EPB41L3: variants seen among roughly 807,000 people sequenced by gnomAD.
EPB41L3 encodes band 4.1-like protein 3.
A neutral mutation model predicts 127.1 loss-of-function variants in EPB41L3; 57 were observed. The observed-to-expected ratio is 0.45, with a 90% CI of 0.36 to 0.56. The LOEUF (loss-of-function observed/expected upper bound fraction) is 0.56. EPB41L3 is among the 20% of genes least tolerant of loss of function. EPB41L3 has a pLI of 0.00. For synonymous variants in EPB41L3, 572 were observed against 549.5 expected (o/e 1.04, Z -0.57); for missense variants, 1,273 against 1,372.2 (o/e 0.93, Z 1.14).
intron 16 of EPB41L3, chr18:5,400,452 C>T (rs977877597): frequency 2.2e-6 from 1 of 452,522 alleles, no homozygotes; most frequent in East Asian, 7.0e-5. Context: ...ACAGATTGAT[C>T]TACATGTTGT....
At chr18:5,529,926 A>ATGTGTGTGTGTGTGTG (rs762060217) in intron 1 of EPB41L3, among the ~76,000 whole-genome samples, 17 of 91,506 alleles carry the variant, frequency 1.9e-4, no homozygotes, top group African/African-American at 6.4e-4. Flanking sequence ...ATCAACTCAT[A>ATGTGTGTGTGTGTGTG]TATGTGTGTG....
intron 1 of EPB41L3, among the ~76,000 whole-genome samples, chr18:5,622,438 C>T (rs2094873654): frequency 6.6e-6 from 1 of 152,206 alleles, no homozygotes; most frequent in Non-Finnish European, 1.5e-5. Flanking sequence ...CCAGCTAGTA[C>T]CTACTGGTAC....
chr18:5,494,348 G>A (rs970850645), intron 1 of EPB41L3, among the ~76,000 whole-genome samples: 8 of 152,208 alleles, frequency 5.3e-5, no homozygotes, highest in African/African-American at 1.7e-4. Context: ...ATCACCTCCT[G>A]AGTTGTGTTT....
chr18:5,472,220 C>T (rs528558633), intron 3 of EPB41L3, among the ~76,000 whole-genome samples: 22 of 152,076 alleles, frequency 1.4e-4, no homozygotes, highest in Admixed American at 3.3e-4. Flanking sequence ...ATGTCAATAC[C>T]GTAAGATTTA....
At chr18:5,466,646 T>C (rs1430104740) in intron 3 of EPB41L3, among the ~76,000 whole-genome samples, 1 of 152,188 alleles carries the variant, frequency 6.6e-6, no homozygotes, top group Non-Finnish European at 1.5e-5. Context: ...CTCAACTCTG[T>C]GTCAAAAAGT....
chr18:5,630,567 C>T (rs1458914220), upstream of EPB41L3: 1 of 513,676 alleles, frequency 1.9e-6, no homozygotes, highest in Admixed American at 1.9e-5. Flanking sequence ...GGAAAGAGCT[C>T]CTGGAGGCTG....
At chr18:5,530,538 T>G (rs1298840232) in intron 1 of EPB41L3, among the ~76,000 whole-genome samples, 1 of 152,076 alleles carries the variant, frequency 6.6e-6, no homozygotes, top group Non-Finnish European at 1.5e-5. Context: ...CAGCTGCCCC[T>G]AAGACTCATC....
chr18:5,442,092 T>C (rs374027350), intron 5 of EPB41L3, among the ~76,000 whole-genome samples: 16 of 152,328 alleles, frequency 1.1e-4, no homozygotes, highest in African/African-American at 3.8e-4. Context: ...ATTAATCAGC[T>C]CAGTATTCCA....
At chr18:5,427,028 G>C (rs533781033) in intron 9 of EPB41L3, among the ~76,000 whole-genome samples, 1 of 151,764 alleles carries the variant, frequency 6.6e-6, no homozygotes, top group Non-Finnish European at 1.5e-5. Context: ...TTTGAGACAG[G>C]GTCTTTGCTC....
chr18:5,601,308 C>A (rs934253215), intron 3 of EPB41L3, among the ~76,000 whole-genome samples: 20 of 152,116 alleles, frequency 1.3e-4, no homozygotes, highest in Non-Finnish European at 2.1e-4. Context: ...TCAGTCATTG[C>A]TGTAGGATAA....
At position 5,519,735 on chromosome 18, in the gene EPB41L3, C is replaced by A. The variant is rs77029308; in HGVS notation, c.-12+24178G>T. Among the ~76,000 whole-genome samples the A allele has an allele frequency of 7.0e-3, 1,069 of 152,316 alleles. 16 individuals carry two copies. Among genetic ancestry groups the A allele is most frequent in the African/African-American group, 0.025 (1,035 of 41,572 alleles). On this transcript the variant is annotated intron_variant, in intron 1 of 22. Transcript: ENST00000341928. ...GCTACATAATCACTGATCCACCCAGCGTGCAGGACAGTCTTTGTTTTTCCT... is the reference window on the plus strand; with the variant it reads ...GCTACATAATCACTGATCCACCCAGAGTGCAGGACAGTCTTTGTTTTTCCT...
chr18:5,538,897 T>C (rs1345625868), intron 1 of EPB41L3, among the ~76,000 whole-genome samples: 1 of 152,062 alleles, frequency 6.6e-6, no homozygotes, highest in Non-Finnish European at 1.5e-5. Context: ...AACCTTGTTA[T>C]GAAGAGGACC....
In EPB41L3 at chr18:5,424,158, A is replaced by G. The variant is rs556550660; in HGVS notation, c.1163+104T>C. On this transcript the variant is annotated intron_variant, in intron 10 of 22. Coordinates refer to ENST00000341928, the MANE Select transcript of EPB41L3 (RefSeq NM_012307.5). ...AAGAAATATGGTGACAATGAACTTGAAGGGATAGAAAGAATAAAATTCCAT... is the reference window on the plus strand; with the variant it reads ...AAGAAATATGGTGACAATGAACTTGGAGGGATAGAAAGAATAAAATTCCAT... 14 of 756,152 alleles carry G rather than the reference A, an allele frequency of 1.9e-5. No individual in the cohort carries two copies. In the South Asian group the frequency reaches 4.2e-4, roughly 23 times the overall value. 46.8% of individuals were successfully genotyped at this position (756,152 alleles called of 1,614,324 possible). A position where few individuals can be genotyped will look rare whatever the true frequency, so the allele number is the denominator to read the frequency against.
intron 6 of EPB41L3, among the ~76,000 whole-genome samples, chr18:5,436,302 T>C (rs1046102821): frequency 2.0e-5 from 3 of 151,798 alleles, no homozygotes; most frequent in Non-Finnish European, 4.4e-5. Context: ...GTGACATAAA[T>C]CCATGTAATT....
chr18:5,624,687 T>C (rs375131816), intron 1 of EPB41L3, among the ~76,000 whole-genome samples: 1 of 152,206 alleles, frequency 6.6e-6, no homozygotes, highest in East Asian at 1.9e-4. Flanking sequence ...CAGATGTCTC[T>C]AGACAGTCAT....
At chr18:5,581,166 T>C (rs1043233965) in intron 3 of EPB41L3, among the ~76,000 whole-genome samples, 1 of 152,206 alleles carries the variant, frequency 6.6e-6, no homozygotes, top group African/African-American at 2.4e-5. Context: ...ATTATTTACA[T>C]AAACATGTAG....
chr18:5,600,343 G>A (rs1162739819), intron 3 of EPB41L3, among the ~76,000 whole-genome samples: 1 of 152,148 alleles, frequency 6.6e-6, no homozygotes, highest in Non-Finnish European at 1.5e-5. Context: ...CATAAGAGAT[G>A]TAATTTTGCC....
At chr18:5,399,613 T>C in intron 16 of EPB41L3, 1 of 367,876 alleles carries the variant, frequency 2.7e-6, no homozygotes, top group Non-Finnish European at 4.8e-6. Context: ...GCAACTTCTT[T>C]AAACTGGAAC....
At chr18:5,481,939 A>G (rs1433015888) in intron 2 of EPB41L3, among the ~76,000 whole-genome samples, 2 of 152,198 alleles carry the variant, frequency 1.3e-5, no homozygotes, top group African/African-American at 4.8e-5. Flanking sequence ...CCAGACAGAG[A>G]AAACTGCAAT....
Sources: allele counts gnomAD v4.1 joint callset (sites outside exome capture counted in the v4.1 genomes callset), GRCh38; gene constraint gnomAD v4.1.1; transcripts MANE v1.5; gene names NCBI Gene and HGNC (gene_info 2026-07-23, HGNC 2026-07-21).